The following SCN2A variants were observed in gnomAD, a reference collection of about 807,000 sequenced individuals.
The protein encoded by SCN2A is sodium channel protein type 2 subunit alpha.
SCN2A carries 20 observed loss-of-function variants against 188.7 expected under a neutral mutation model. The observed-to-expected ratio is 0.11, with a 90% CI of 0.07 to 0.15. The LOEUF (loss-of-function observed/expected upper bound fraction) is 0.15. SCN2A is among the 10% of genes least tolerant of loss of function. The pLI, the probability that SCN2A is intolerant of heterozygous loss-of-function variation, is 1.00. For missense variants in SCN2A, 1,278 were observed against 2,445.0 expected, an observed-to-expected ratio of 0.52 and a Z score of 10.07; for synonymous variants, 804 against 833.1, an observed-to-expected ratio of 0.97 and a Z score of 0.60.
intron 3 of SCN2A, among the ~76,000 whole-genome samples, chr2:165,300,083 A>T (rs980223228): frequency 6.6e-6 from 1 of 152,160 alleles, no homozygotes; most frequent in African/African-American, 2.4e-5. Flanking sequence ...CTAGTGTCTT[A>T]TTTGATATTT....
At chr2:165,370,926 G>T (rs1700992354) in intron 20 of SCN2A, 1 of 153,112 alleles carries the variant, frequency 6.5e-6, no homozygotes, top group Non-Finnish European at 1.5e-5. Context: ...ATGTATAAAG[G>T]TTACATGCAG....
At chr2:165,264,244 GATA>G (rs1559323930) in intron 1 of SCN2A, among the ~76,000 whole-genome samples, 1 of 152,108 alleles carries the variant, frequency 6.6e-6, no homozygotes, top group East Asian at 1.9e-4. Context: ...ATATCAAAAA[GATA>G]ATCCACTATG....
At chr2:165,267,597 A>C (rs1694927505) in intron 1 of SCN2A, 1 of 151,870 alleles carries the variant, frequency 6.6e-6, no homozygotes, top group African/African-American at 2.4e-5. Context: ...GATTTTTTGA[A>C]TCTGACCCCA....
chr2:165,302,007 C>T (rs1390182566), intron 3 of SCN2A, among the ~76,000 whole-genome samples: 2 of 152,030 alleles, frequency 1.3e-5, no homozygotes, highest in African/African-American at 4.8e-5. Flanking sequence ...ATTTTTAAAC[C>T]CTCGGATTTA....
At position 165,258,344 on chromosome 2, in the gene SCN2A, G is replaced by C. The variant is rs139094990; in HGVS notation, c.-52+18704G>C. Among the ~76,000 whole-genome samples the C allele has an allele frequency of 3.7e-3, 560 of 152,124 alleles. 3 individuals carry two copies. The highest frequency in any genetic ancestry group is 0.013 in the African/African-American group (532 of 41,496). Reference sequence around the variant, plus strand: ...TCCATCTTGAGTTTATTTTTTGTATGGTATAAGGAAGTGGTCCAGTTTCAA... The same window carrying C: ...TCCATCTTGAGTTTATTTTTTGTATCGTATAAGGAAGTGGTCCAGTTTCAA... On this transcript the variant is annotated intron_variant, in intron 1 of 26. Transcript: ENST00000375437.
chr2:165,303,097 A>G (rs1381830777), intron 3 of SCN2A, among the ~76,000 whole-genome samples: 2 of 152,052 alleles, frequency 1.3e-5, no homozygotes, highest in African/African-American at 2.4e-5. Context: ...GTACTCTATG[A>G]CTTGGATTAC....
intron 1 of SCN2A, chr2:165,274,353 G>C (rs1218589104): frequency 6.9e-6 from 1 of 144,888 alleles, no homozygotes; most frequent in Non-Finnish European, 1.5e-5. Flanking sequence ...CTAAGTAGGG[G>C]AGAAAAAATT....
chr2:165,389,428 C>T lies in SCN2A; in HGVS notation c.5622C>T (p.Ala1874=). The T allele has an allele frequency of 1.2e-6, 2 of 1,613,784 alleles. No homozygotes were observed. Among genetic ancestry groups the T allele is most frequent in the East Asian group, 2.2e-5 (1 of 44,850 alleles). ...TGGGTGAGAGTGGAGAGATGGATGC[C>T]CTTCGAATACAGATGGAAGAGCGAT... is the stretch of plus-strand genomic sequence containing the variant. ...RVLGESGEMD[A]LRIQMEERFM... is the part of the protein sequence containing the mutation. Residue 1874 remains alanine, a synonymous_variant, in exon 27 of 27, where the codon GCC becomes GCT. Coordinates refer to ENST00000375437, the MANE Select transcript of SCN2A (RefSeq NM_001040142.2). The surrounding 1 kb of genome is among the most constrained non-coding windows in gnomAD (Gnocchi z 4.2).
At chr2:165,265,471 C>CTATATA (rs1178289931) in intron 1 of SCN2A, among the ~76,000 whole-genome samples, 2,266 of 28,736 alleles carry the variant, frequency 0.079, 289 homozygotes, top group Non-Finnish European at 0.097. Context: ...CTCTGTTGAT[C>CTATATA]TATATATATA....
intron 19 of SCN2A, among the ~76,000 whole-genome samples, chr2:165,367,885 A>G (rs1700812558): frequency 1.3e-5 from 2 of 152,128 alleles, no homozygotes; most frequent in African/African-American, 2.4e-5. Flanking sequence ...GCCCCACAGG[A>G]GCGTCTAGGG....
At chr2:165,273,005 C>G (rs1414947201) in intron 1 of SCN2A, 1 of 152,004 alleles carries the variant, frequency 6.6e-6, no homozygotes, top group African/African-American at 2.4e-5. Flanking sequence ...GAATTATGGT[C>G]ACAATCAGCC....
chr2:165,266,773 G>C (rs576509045), intron 1 of SCN2A: 13 of 152,090 alleles, frequency 8.5e-5, no homozygotes, highest in Admixed American at 7.9e-4. Context: ...ATCTGATTGT[G>C]TCTGTACAAA....
intron 14 of SCN2A, among the ~76,000 whole-genome samples, chr2:165,332,466 A>G (rs1698742333): frequency 6.6e-6 from 1 of 152,020 alleles, no homozygotes; most frequent in African/African-American, 2.4e-5. Context: ...CCACAAAACC[A>G]GTCTTAAGAT....
intron 1 of SCN2A, among the ~76,000 whole-genome samples, chr2:165,284,728 A>G (rs180674373): frequency 2.0e-5 from 3 of 152,170 alleles, no homozygotes. Context: ...AGAGAACCAT[A>G]TCCTGGGAAA....
intron 8 of SCN2A, among the ~76,000 whole-genome samples, chr2:165,312,708 C>A (rs1180929694): frequency 6.6e-6 from 1 of 152,004 alleles, no homozygotes; most frequent in Non-Finnish European, 1.5e-5. Flanking sequence ...TGGGATCATG[C>A]AAATGTTTGC....
At position 165,326,884 on chromosome 2, in the gene SCN2A, A is replaced by G; in HGVS notation, c.2049A>G (p.Arg683=). The G allele has an allele frequency of 1.2e-6, 2 of 1,613,988 alleles. No homozygotes were observed. The highest frequency in any genetic ancestry group is 1.1e-5 in the South Asian group (1 of 91,086). The change falls in exon 13 of 27, where the codon AGA becomes AGG. Residue 683 remains arginine (R), a synonymous_variant. Coordinates refer to ENST00000375437, the MANE Select transcript of SCN2A (RefSeq NM_001040142.2). ...CTACTGAAACAGAAATAAGAAAGAG[A>G]CGGTCCAGTTCTTATCATGTTTCCA... is the stretch of plus-strand genomic sequence containing the variant. ...GTTTETEIRK[R]RSSSYHVSMD...
At chr2:165,365,959 C>G (rs1302343247) in intron 18 of SCN2A, among the ~76,000 whole-genome samples, 1 of 152,092 alleles carries the variant, frequency 6.6e-6, no homozygotes, top group South Asian at 2.1e-4. Context: ...ACCAAAAACC[C>G]TGGGCTCTAA....
chr2:165,317,698 C>A (rs937718401), intron 11 of SCN2A, among the ~76,000 whole-genome samples: 9 of 152,140 alleles, frequency 5.9e-5, no homozygotes, highest in African/African-American at 2.2e-4. Context: ...GCAGCCTCTT[C>A]TTCATACCTC....
intron 17 of SCN2A, among the ~76,000 whole-genome samples, chr2:165,362,699 A>C (rs1389594691): frequency 6.6e-6 from 1 of 152,062 alleles, no homozygotes; most frequent in African/African-American, 2.4e-5. Context: ...TGTATTATCC[A>C]TAGGGCCTAG....
Sources: gnomAD v4.1 joint callset for allele counts (sites outside exome capture counted in the v4.1 genomes callset) on GRCh38, gnomAD v4.1.1 for gene constraint, Gnocchi (gnomAD v3.1) non-coding constraint, MANE v1.5 for transcripts, NCBI Gene and HGNC (gene_info 2026-07-23, HGNC 2026-07-21) for gene names.